The following NEMF variants were observed in gnomAD, a reference collection of about 807,000 sequenced individuals.
NEMF encodes nuclear export mediator factor, also known as ribosome quality control complex subunit NEMF.
Under a neutral mutation model 162.2 loss-of-function variants are expected in NEMF, and 89 were observed. The ratio of observed to expected loss-of-function variants is 0.55; its 90% CI spans 0.46 to 0.65. The LOEUF (loss-of-function observed/expected upper bound fraction) is 0.65. NEMF is among the 30% of genes least tolerant of loss of function. The probability of loss-of-function intolerance (pLI) is 0.00; values close to 1 mark genes in which losing one functional copy is unlikely to be tolerated. For missense variants in NEMF, 1,133 were observed against 1,261.9 expected (o/e 0.90, Z 1.55); for synonymous variants, 421 against 404.5 (o/e 1.04, Z -0.49).
At chr14:49,843,851 C>T (rs1893336030) in intron 4 of NEMF, among the ~76,000 whole-genome samples, 1 of 152,206 alleles carries the variant, frequency 6.6e-6, no homozygotes, top group Non-Finnish European at 1.5e-5. Flanking sequence ...GTGATCCCAG[C>T]ATTTTGGGAG....
At chr14:49,843,493 C>CA (rs1210340291) in intron 4 of NEMF, among the ~76,000 whole-genome samples, 1 of 151,944 alleles carries the variant, frequency 6.6e-6, no homozygotes, top group Non-Finnish European at 1.5e-5. Context: ...GACTCTATCT[C>CA]AAAAAAATAA....
rs867644434 is a variant in NEMF, at chr14:49,782,194, T to C, written c.*2442A>G. Reference sequence around the variant, plus strand: ...GAGAGAAAATAATATCCAGATAAAATAGATATTGATTGATCTGCTTTTGCT... The same window carrying C: ...GAGAGAAAATAATATCCAGATAAAACAGATATTGATTGATCTGCTTTTGCT... On this transcript the variant is annotated 3_prime_UTR_variant, in exon 33 of 33. Coordinates refer to ENST00000298310, the MANE Select transcript of NEMF (RefSeq NM_004713.6). The C allele has an allele frequency of 1.9e-6, 1 of 539,804 alleles. No homozygotes were observed. The highest frequency in any genetic ancestry group is 3.0e-5 in the East Asian group (1 of 32,826). 33.4% of individuals were successfully genotyped at this position (539,804 alleles called of 1,614,324 possible).
intron 15 of NEMF, among the ~76,000 whole-genome samples, chr14:49,826,215 T>A (rs1462535345): frequency 1.3e-5 from 2 of 152,244 alleles, no homozygotes; most frequent in East Asian, 3.9e-4. Context: ...AAGTAATAAA[T>A]ACCTTGTCAT....
At chr14:49,828,554 C>A in intron 14 of NEMF, 62 bp downstream of exon 14, 2 of 1,330,898 alleles carry the variant, frequency 1.5e-6, no homozygotes, top group Non-Finnish European at 2.1e-6. Context: ...TTTAAAATGT[C>A]CTTAATTCCT....
chr14:49,803,375 T>C (rs1433099241), intron 19 of NEMF, 81 bp from the exon 20 acceptor site: 3 of 990,984 alleles, frequency 3.0e-6, no homozygotes, highest in Non-Finnish European at 4.5e-6. Flanking sequence ...GAAAGTAAAG[T>C]CAGAGTCAAG....
Position 49,795,797 on chromosome 14 carries a change from T to G in NEMF, c.2613A>C (p.Gly871=). The G allele has an allele frequency of 6.2e-7, 1 of 1,610,194 alleles. No homozygotes were observed. The highest frequency in any genetic ancestry group is 8.5e-7 in the Non-Finnish European group (1 of 1,179,172). ...AGATCATCCTGAAGTTTACCTTTTGTCCTCGTTTCATTGGCTGCACAGCCG... is the reference window on the plus strand; with the variant it reads ...AGATCATCCTGAAGTTTACCTTTTGGCCTCGTTTCATTGGCTGCACAGCCG... The part of the protein sequence containing the change: ...NVAAVQPMKR[G]QKSKMKKMKE... Residue 871 remains glycine (G), a synonymous_variant, in exon 26 of 33, where the codon GGA becomes GGC. Coordinates refer to ENST00000298310, the MANE Select transcript of NEMF (RefSeq NM_004713.6).
Position 49,784,733 on chromosome 14 carries a change from G to A in NEMF, c.3154-20C>T, listed in dbSNP as rs562544433. On this transcript the variant is annotated intron_variant, in intron 32 of 32. Transcript: ENST00000298310. ...TGTGTCCTAAAAAAAGAAAATTGCT[G>A]AATATCTTCACATCCTGTATGGTCA... The A allele has an allele frequency of 5.0e-6, 8 of 1,593,872 alleles. No homozygotes were observed. Among genetic ancestry groups the A allele is most frequent in the Non-Finnish European group, 8.6e-7 (1 of 1,163,074 alleles).
At chr14:49,836,856 T>C (rs1408803349) in intron 6 of NEMF, among the ~76,000 whole-genome samples, 1 of 152,204 alleles carries the variant, frequency 6.6e-6, no homozygotes, top group Non-Finnish European at 1.5e-5. Context: ...ACAAAATTCA[T>C]TTATGACTTT....
chr14:49,826,351 A>G (rs1253011727), intron 15 of NEMF, among the ~76,000 whole-genome samples: 29 of 152,112 alleles, frequency 1.9e-4, no homozygotes, highest in South Asian at 2.1e-4. Flanking sequence ...ACAACTATTA[A>G]TCATATAATC....
intron 18 of NEMF, among the ~76,000 whole-genome samples, chr14:49,806,338 T>C (rs1043403283): frequency 7.1e-6 from 1 of 141,564 alleles, no homozygotes; most frequent in African/African-American, 2.6e-5. Context: ...CTCAGCTCAC[T>C]GCAACCTCCG....
chr14:49,796,765 A>T (rs1007822712), intron 25 of NEMF, among the ~76,000 whole-genome samples: 9 of 152,202 alleles, frequency 5.9e-5, no homozygotes, highest in Non-Finnish European at 1.0e-4. Context: ...TTTTAGTCCA[A>T]ATTTACTTCT....
intron 6 of NEMF, among the ~76,000 whole-genome samples, chr14:49,836,423 G>A (rs1249324833): frequency 6.6e-6 from 1 of 152,062 alleles, no homozygotes; most frequent in East Asian, 1.9e-4. Context: ...AGGCTGAGGC[G>A]GGCAGACTGC....
chr14:49,835,907 T>C (rs971250707), intron 6 of NEMF, among the ~76,000 whole-genome samples: 1 of 152,186 alleles, frequency 6.6e-6, no homozygotes, highest in Non-Finnish European at 1.5e-5. Context: ...TCAAAAAGAA[T>C]AGAATGTTTA....
Position 49,814,745 on chromosome 14 carries a change from C to A in NEMF, c.1681+9G>T. The A allele has an allele frequency of 6.6e-7, 1 of 1,513,092 alleles. No homozygotes were observed. Among genetic ancestry groups the A allele is most frequent in the Non-Finnish European group, 8.9e-7 (1 of 1,121,076 alleles). 93.7% of individuals were successfully genotyped at this position (1,513,092 alleles called of 1,614,324 possible). On this transcript the variant is annotated intron_variant, in intron 17 of 32. Transcript: ENST00000298310. Reference sequence around the variant, plus strand: ...AGAGAAAATTTTTCCGAATTTTAATCTTACCTACCTGGTGTCAAGTATCTT... The same window carrying A: ...AGAGAAAATTTTTCCGAATTTTAATATTACCTACCTGGTGTCAAGTATCTT...
chr14:49,841,702 G>A (rs1427882672), intron 4 of NEMF, among the ~76,000 whole-genome samples: 1 of 151,828 alleles, frequency 6.6e-6, no homozygotes, highest in Non-Finnish European at 1.5e-5. Context: ...TACATGGCAA[G>A]AGCAATATAG....
rs138570288 is a variant in NEMF at position 49,782,281 on chromosome 14, T to C, written c.*2355A>G. The C allele has an allele frequency of 1.5e-3, 1,192 of 791,718 alleles. 5 individuals carry two copies. In the Middle Eastern group the frequency reaches 0.018, roughly 12 times the overall value. The allele number at this position is 791,718 out of a possible 1,614,324, so 49.0% of individuals were successfully genotyped here. On this transcript the variant is annotated 3_prime_UTR_variant, in exon 33 of 33. Transcript: ENST00000298310. ...TTGGTCTGAACTACCTTAAGATCGCTAGTCTTTATTTCATAGCTCTATTCT... is the reference window on the plus strand; with the variant it reads ...TTGGTCTGAACTACCTTAAGATCGCCAGTCTTTATTTCATAGCTCTATTCT...
At chr14:49,802,320 G>T in intron 22 of NEMF, 133 bp downstream of exon 22, 1 of 843,824 alleles carries the variant, frequency 1.2e-6, no homozygotes, top group Non-Finnish European at 1.8e-6. Context: ...CAGTAAAACA[G>T]CACGTACTTT....
chr14:49,789,211 G>C lies in NEMF; in HGVS notation c.2830C>G (p.Pro944Ala), dbSNP rs1890327013. The stretch of plus-strand genomic sequence containing the variant: ...TCATGAGTTATAACCTCAAGGAACG[G>C]AGTTTCTTTCTTAATGTTGTCAGAG... ...RVSDNIKKET[P>A]FLEVITHELQ... The change falls in exon 28 of 33, where the codon CCG becomes GCG. Residue 944 changes from proline (P) to alanine (A), a missense_variant. This residue lies in a region of NEMF where 532 missense variants were observed against 578.6 expected (regional missense o/e 0.92). Coordinates refer to ENST00000298310, the MANE Select transcript of NEMF (RefSeq NM_004713.6). The C allele has an allele frequency of 4.3e-6, 7 of 1,614,040 alleles. No homozygotes were observed. The highest frequency in any genetic ancestry group is 5.9e-6 in the Non-Finnish European group (7 of 1,179,918).
In NEMF at chr14:49,784,567, C is replaced by T. The variant is rs1890068544; in HGVS notation, c.*69G>A. On this transcript the variant is annotated 3_prime_UTR_variant, in exon 33 of 33. Transcript: ENST00000298310. ...AATGCGGAAATCCTGATACATGGTG[C>T]TTTCATCTTTGAACTTCCAAAAGGC... 9.6e-7 allele frequency: 1 copy of T among 1,045,340 alleles called. No homozygotes were observed. Among genetic ancestry groups the T allele is most frequent in the African/African-American group, 1.6e-5 (1 of 63,224 alleles). The allele number at this position is 1,045,340 out of a possible 1,614,324, so 64.8% of individuals were successfully genotyped here. A position where few individuals can be genotyped will look rare whatever the true frequency, so the allele number is the denominator to read the frequency against.
Sources: gnomAD v4.1 joint callset for allele counts (sites outside exome capture counted in the v4.1 genomes callset) on GRCh38, gnomAD v4.1.1 for gene constraint, gnomAD v4.1.1 regional missense constraint, MANE v1.5 for transcripts, NCBI Gene and HGNC (gene_info 2026-07-23, HGNC 2026-07-21) for gene names.